The following CLASP2 variants were observed in gnomAD, a reference collection of about 807,000 sequenced individuals.
The protein encoded by CLASP2 is cytoplasmic linker associated protein 2.
Under a neutral mutation model 194.4 loss-of-function variants are expected in CLASP2, and 47 were observed. The observed-to-expected ratio is 0.24, with a 90% CI of 0.19 to 0.31. CLASP2 has a LOEUF of 0.31. Among genes scored for constraint, CLASP2 ranks in the 10% least tolerant of loss-of-function variants. The probability of loss-of-function intolerance (pLI) is 1.00; values close to 1 mark genes in which losing one functional copy is unlikely to be tolerated. For synonymous variants in CLASP2, 619 were observed against 633.5 expected (o/e 0.98, Z 0.34); for missense variants, 1,445 against 1,823.6 (o/e 0.79, Z 3.78).
intron 1 of CLASP2, among the ~76,000 whole-genome samples, chr3:33,708,646 G>A (rs2092850009): frequency 1.3e-5 from 2 of 151,238 alleles, no homozygotes; most frequent in South Asian, 4.2e-4. Context: ...CCTGGCTATT[G>A]TGAATAATGG....
chr3:33,620,489 A>G (rs2076931751), intron 11 of CLASP2, among the ~76,000 whole-genome samples: 1 of 152,190 alleles, frequency 6.6e-6, no homozygotes, highest in Non-Finnish European at 1.5e-5. Flanking sequence ...GTTAGCTCCA[A>G]TAATTCAGGT....
chr3:33,572,527 T>C (rs886986031), intron 25 of CLASP2, among the ~76,000 whole-genome samples: 5 of 152,094 alleles, frequency 3.3e-5, no homozygotes, highest in Non-Finnish European at 7.4e-5. Flanking sequence ...GGGTCAACTA[T>C]AGGTTTAAAA....
intron 30 of CLASP2, 112 bp from the exon 31 acceptor site, chr3:33,544,953 G>T: frequency 1.5e-6 from 1 of 660,492 alleles, no homozygotes; most frequent in Non-Finnish European, 2.2e-6. Context: ...CTTTCCCAGG[G>T]AAAAGGAAGA....
intron 6 of CLASP2, among the ~76,000 whole-genome samples, chr3:33,672,149 G>T (rs1037731399): frequency 6.6e-6 from 1 of 152,208 alleles, no homozygotes; most frequent in Non-Finnish European, 1.5e-5. Context: ...CCTCAAGTGG[G>T]TCCCTGACCC....
intron 34 of CLASP2, 149 bp downstream of exon 34, chr3:33,535,084 G>T: frequency 1.7e-6 from 1 of 594,912 alleles, no homozygotes; most frequent in Non-Finnish European, 3.0e-6. Context: ...AAGCACTAGA[G>T]ATGAGTTCCT....
chr3:33,651,613 G>A (rs1032485851), intron 7 of CLASP2, among the ~76,000 whole-genome samples: 9 of 150,174 alleles, frequency 6.0e-5, no homozygotes, highest in Non-Finnish European at 4.4e-5. Flanking sequence ...TTCTCACTTC[G>A]GGAAAGACAT....
At chr3:33,645,652 T>C in intron 7 of CLASP2, 1 of 267,848 alleles carries the variant, frequency 3.7e-6, no homozygotes, top group Non-Finnish European at 6.9e-6. Flanking sequence ...GAAATCTGTT[T>C]TTCTTATTTG....
chr3:33,711,676 A>G (rs75368520), intron 1 of CLASP2, among the ~76,000 whole-genome samples: 5 of 67,220 alleles, frequency 7.4e-5, no homozygotes, highest in East Asian at 4.8e-4. Context: ...ATCAGCAAGG[A>G]AAAAAAAACC....
chr3:33,537,643 T>C (rs139433815), intron 33 of CLASP2, among the ~76,000 whole-genome samples: 2,080 of 152,150 alleles, frequency 0.014, 42 homozygotes, highest in African/African-American at 0.048. Flanking sequence ...TATAACATTC[T>C]TACTTAAGTG....
intron 7 of CLASP2, among the ~76,000 whole-genome samples, chr3:33,652,841 T>A (rs1214258433): frequency 1.3e-5 from 2 of 152,206 alleles, no homozygotes; most frequent in African/African-American, 4.8e-5. Context: ...CTCAGGCTCA[T>A]AATGTGCTCA....
chr3:33,679,693 A>G (rs2089460024), intron 6 of CLASP2, among the ~76,000 whole-genome samples: 1 of 152,178 alleles, frequency 6.6e-6, no homozygotes, highest in African/African-American at 2.4e-5. Context: ...ACCACTAAAT[A>G]CCTGTTAAAA....
At position 33,708,078 on chromosome 3, in the gene CLASP2, G is replaced by A. The variant is rs933521290; in HGVS notation, c.195+9730C>T. Among the ~76,000 whole-genome samples the A allele has an allele frequency of 1.1e-4, 17 of 152,044 alleles. 1 individual carries two copies. Among genetic ancestry groups the A allele is most frequent in the Admixed American group, 9.2e-4 (14 of 15,258 alleles). ...CCTCCTTCCCCATCTGTTTTGTGGT[G>A]AGAACGTGACATCTACGCTCTTAGT... is the stretch of plus-strand genomic sequence containing the variant. On this transcript the variant is annotated intron_variant, in intron 1 of 38. Transcript: ENST00000682230.
intron 26 of CLASP2, among the ~76,000 whole-genome samples, chr3:33,567,079 C>T (rs1446663914): frequency 6.6e-6 from 1 of 152,152 alleles, no homozygotes; most frequent in Non-Finnish European, 1.5e-5. Flanking sequence ...GACACATACT[C>T]CCACTTCTGA....
intron 6 of CLASP2, among the ~76,000 whole-genome samples, chr3:33,674,826 A>G (rs2154339989): frequency 6.6e-6 from 1 of 152,342 alleles, no homozygotes; most frequent in Admixed American, 6.5e-5. Context: ...CAAATAAACT[A>G]GAAAATCTAG....
Position 33,630,151 on chromosome 3 carries a change from C to A in CLASP2, c.942+2141G>T, listed in dbSNP as rs182122745. Among the ~76,000 whole-genome samples, 199 of 152,266 alleles carry A rather than the reference C, an allele frequency of 1.3e-3. 2 individuals carry two copies. Among genetic ancestry groups the A allele is most frequent in the African/African-American group, 4.6e-3 (190 of 41,550 alleles). ...TGAAAGTGAGGAGGAGGTCTAGAAA[C>A]TGAATTCATCAAGAATGTGTGAAAA... On this transcript the variant is annotated intron_variant, in intron 9 of 38. Transcript: ENST00000682230.
chr3:33,538,404 C>A lies in CLASP2; in HGVS notation c.3558+385G>T, dbSNP rs187597121. On this transcript the variant is annotated intron_variant, in intron 33 of 38. Coordinates refer to ENST00000682230, the MANE Select transcript of CLASP2 (RefSeq NM_001365631.1). ...AATAGACTCACTTTCCTCCAAAGCA[C>A]ATTCTATCCTAAAACTCTGTAGTAC... 1.1e-4 allele frequency among the ~76,000 whole-genome samples: 16 copies of A among 152,332 alleles called. No homozygotes were observed. In the East Asian group the frequency reaches 3.1e-3, roughly 29 times the overall value.
At chr3:33,618,392 C>T (rs915896586) in intron 12 of CLASP2, among the ~76,000 whole-genome samples, 4 of 152,120 alleles carry the variant, frequency 2.6e-5, no homozygotes, top group Non-Finnish European at 5.9e-5. Context: ...CGCCTGTAAT[C>T]CCAACACTTT....
chr3:33,574,515 T>A, intron 24 of CLASP2: 1 of 1,482,106 alleles, frequency 6.7e-7, no homozygotes, highest in Non-Finnish European at 9.1e-7. Context: ...AGTAAATTTT[T>A]AAAGAGAAAA....
intron 2 of CLASP2, among the ~76,000 whole-genome samples, chr3:33,692,764 G>T (rs976240568): frequency 6.6e-6 from 1 of 152,118 alleles, no homozygotes; most frequent in Non-Finnish European, 1.5e-5. Context: ...TGGGTATCCA[G>T]AACAGAATTT....
Sources: allele counts gnomAD v4.1 joint callset (sites outside exome capture counted in the v4.1 genomes callset), GRCh38; gene constraint gnomAD v4.1.1; transcripts MANE v1.5; gene names NCBI Gene and HGNC (gene_info 2026-07-23, HGNC 2026-07-21).